Variants in PROSER2 observed in about 807,000 individuals in gnomAD.
PROSER2 encodes proline and serine rich 2.
In PROSER2, 18 loss-of-function variants were observed where a neutral mutation model predicts 14.6. That is an observed-to-expected ratio of 1.23 (90% CI 0.85 to 1.83). The LOEUF is 1.83. Ranked by LOEUF, PROSER2 falls within the 40% of genes most tolerant of loss-of-function variation. The pLI is 0.00. For synonymous variants in PROSER2, 367 were observed against 286.4 expected, an observed-to-expected ratio of 1.28 and a Z score of -2.84; for missense variants, 823 against 629.8, an observed-to-expected ratio of 1.31 and a Z score of -3.28.
At chr10:11,861,924 A>C (rs1044125520) in intron 2 of PROSER2, among the ~76,000 whole-genome samples, 1 of 152,228 alleles carries the variant, frequency 6.6e-6, no homozygotes, top group African/African-American at 2.4e-5. Context: ...TCTACACTGG[A>C]AACTATGAGA....
At chr10:11,825,466 C>G (rs1833598474) in intron 1 of PROSER2, among the ~76,000 whole-genome samples, 1 of 152,182 alleles carries the variant, frequency 6.6e-6, no homozygotes, top group South Asian at 2.1e-4. Context: ...GGCCTTGCAA[C>G]TCCGCCCCTG....
At chr10:11,840,266 TAAA>T (rs11290054) in intron 1 of PROSER2, among the ~76,000 whole-genome samples, 8 of 145,104 alleles carry the variant, frequency 5.5e-5, no homozygotes, top group Admixed American at 6.9e-5. Flanking sequence ...TTGTTGTCAT[TAAA>T]AAAAAAAAAA....
rs1008485081 is a variant in PROSER2 at position 11,838,277 on chromosome 10, T to C, written c.-81-13720T>C. On this transcript the variant is annotated intron_variant, in intron 1 of 3. Coordinates refer to ENST00000277570, the MANE Select transcript of PROSER2 (RefSeq NM_153256.4). This position sits in a 1 kb window ranked among gnomAD's most constrained non-coding sequence, Gnocchi z 4.4. ...GCGCTGGGTTTTAAATGTACATGAA[T>C]AGAATTGCACTAAGAATCTAACTCT... 1.3e-5 allele frequency among the ~76,000 whole-genome samples: 2 copies of C among 152,178 alleles called. No individual in the cohort carries two copies. Among genetic ancestry groups the C allele is most frequent in the Non-Finnish European group, 2.9e-5 (2 of 68,026 alleles).
At chr10:11,827,210 A>AT (rs1833627724) in intron 1 of PROSER2, among the ~76,000 whole-genome samples, 2 of 151,774 alleles carry the variant, frequency 1.3e-5, no homozygotes, top group African/African-American at 4.8e-5. Context: ...AAAAAAAAAA[A>AT]TTCCGGTCCT....
At chr10:11,834,137 G>C (rs141688457) in intron 1 of PROSER2, among the ~76,000 whole-genome samples, 1 of 151,780 alleles carries the variant, frequency 6.6e-6, no homozygotes, top group African/African-American at 2.4e-5. Flanking sequence ...TGGGATTACA[G>C]GCACTCACCA....
chr10:11,852,004 C>A lies in PROSER2; in HGVS notation c.-74C>A. On this transcript the variant is annotated 5_prime_UTR_variant, in exon 2 of 4. The change creates a new upstream start codon in the 5' untranslated region. Coordinates refer to ENST00000277570, the MANE Select transcript of PROSER2 (RefSeq NM_153256.4). ...CGTGTTTGGTGTCTCTAGGAGTGAGCTGTTGCCGCAGAATGGGCTGCTGGC... is the reference window on the plus strand; with the variant it reads ...CGTGTTTGGTGTCTCTAGGAGTGAGATGTTGCCGCAGAATGGGCTGCTGGC... 1 of 1,492,248 alleles carries A rather than the reference C, an allele frequency of 6.7e-7. No individual in the cohort carries two copies. The highest frequency in any genetic ancestry group is 1.3e-5 in the South Asian group (1 of 74,480). The allele number at this position is 1,492,248 out of a possible 1,614,324, so 92.4% of individuals were successfully genotyped here.
At chr10:11,844,831 A>C (rs575420317) in intron 1 of PROSER2, among the ~76,000 whole-genome samples, 10 of 152,318 alleles carry the variant, frequency 6.6e-5, no homozygotes, top group African/African-American at 2.4e-4. Flanking sequence ...CATGTTGGCC[A>C]GGCTGGTCTC....
chr10:11,824,393 G>A (rs945936842), intron 1 of PROSER2, among the ~76,000 whole-genome samples: 2 of 152,218 alleles, frequency 1.3e-5, no homozygotes, highest in Non-Finnish European at 2.9e-5. Flanking sequence ...GTGGAAACTT[G>A]AGGGAAATAC....
At chr10:11,868,574 A>G (rs1005770443) in intron 3 of PROSER2, among the ~76,000 whole-genome samples, 19 of 152,148 alleles carry the variant, frequency 1.2e-4, no homozygotes, top group African/African-American at 4.3e-4. Context: ...TGGCATATTC[A>G]TAACAACTTT....
At chr10:11,841,836 G>A (rs940571659) in intron 1 of PROSER2, among the ~76,000 whole-genome samples, 1 of 152,202 alleles carries the variant, frequency 6.6e-6, no homozygotes, top group African/African-American at 2.4e-5. Context: ...GAAAGAATGT[G>A]TATTGTGAAG....
At position 11,856,779 on chromosome 10, in the gene PROSER2, TAAG is replaced by T. The variant is rs1834130295; in HGVS notation, c.138+4568_138+4570del. Among the ~76,000 whole-genome samples the T allele has an allele frequency of 6.6e-6, 1 of 152,208 alleles. No individual in the cohort carries two copies. The highest frequency in any genetic ancestry group is 1.5e-5 in the Non-Finnish European group (1 of 68,042). ...TTGGCCCCACACATGGCTCATGGAC[TAAG>T]AAGGCATGGCAAGCACTGGGGGGCT... On this transcript the variant is annotated intron_variant, in intron 2 of 3. Coordinates refer to ENST00000277570, the MANE Select transcript of PROSER2 (RefSeq NM_153256.4). This position sits in a 1 kb window ranked among gnomAD's most constrained non-coding sequence, Gnocchi z 5.3.
In PROSER2 at chr10:11,869,734, G is replaced by A. The variant is rs367990641; in HGVS notation, c.636G>A (p.Ser212=). ...GGATGGCGGGGAACGAAGCCCTCTC[G>A]CCCACCTCCCCGTTCAGGGAGGGCC... ...SERMAGNEAL[S]PTSPFREGRP... The change falls in exon 4 of 4, where the codon TCG becomes TCA. Residue 212 remains serine (S), a synonymous_variant. Transcript: ENST00000277570. The surrounding 1 kb of genome is among the most constrained non-coding windows in gnomAD (Gnocchi z 4.4). 9.3e-5 allele frequency: 147 copies of A among 1,588,586 alleles called. No individual in the cohort carries two copies. The African/African-American group carries it at 1.4e-3, about 16-fold the overall frequency.
In PROSER2 at chr10:11,869,577, C is replaced by G; in HGVS notation, c.479C>G (p.Ala160Gly). 1.9e-6 allele frequency: 3 copies of G among 1,609,642 alleles called. No individual in the cohort carries two copies. Among genetic ancestry groups the G allele is most frequent in the Non-Finnish European group, 2.5e-6 (3 of 1,176,494 alleles). The change falls in exon 4 of 4, where the codon GCG becomes GGG. Residue 160 changes from alanine (A) to glycine (G), a missense_variant. Transcript: ENST00000277570. The surrounding 1 kb of genome is among the most constrained non-coding windows in gnomAD (Gnocchi z 4.4). ...CCCCCGGCTCCCGAGACCCTTCTTGCGCCACCACCCCTGCCTAGCACCCCC... is the reference window on the plus strand; with the variant it reads ...CCCCCGGCTCCCGAGACCCTTCTTGGGCCACCACCCCTGCCTAGCACCCCC... ...PDPPAPETLLAPPPLPSTPDP... is the reference protein window; with the variant it reads ...PDPPAPETLLGPPPLPSTPDP...
chr10:11,829,622 C>G (rs1229268658), intron 1 of PROSER2, among the ~76,000 whole-genome samples: 3 of 151,618 alleles, frequency 2.0e-5, no homozygotes, highest in South Asian at 2.1e-4. Flanking sequence ...AAAGCTAGAA[C>G]CAGCTCTGTC....
Position 11,852,175 on chromosome 10 carries a change from A to G in PROSER2, c.98A>G (p.Glu33Gly). ...GCCTTCAGCAGAGGCGGCAGCCTGG[A>G]GAGTCGAAGCAGCAGCTCTCGCTCC... ...LRAFSRGGSL[E>G]SRSSSSRSRS... The change falls in exon 2 of 4, where the codon GAG becomes GGG. Residue 33 changes from glutamate to glycine, a missense_variant. Coordinates refer to ENST00000277570, the MANE Select transcript of PROSER2 (RefSeq NM_153256.4). 6.2e-7 allele frequency: 1 copy of G among 1,613,204 alleles called. No individual in the cohort carries two copies. The highest frequency in any genetic ancestry group is 1.1e-5 in the South Asian group (1 of 90,766).
chr10:11,858,070 G>T (rs1229132124), intron 2 of PROSER2, among the ~76,000 whole-genome samples: 1 of 152,156 alleles, frequency 6.6e-6, no homozygotes, highest in Non-Finnish European at 1.5e-5. Flanking sequence ...AAGTAGCTGG[G>T]ATTACAGGTG....
At chr10:11,824,238 G>A (rs953071123) in intron 1 of PROSER2, among the ~76,000 whole-genome samples, 3 of 152,164 alleles carry the variant, frequency 2.0e-5, no homozygotes, top group Non-Finnish European at 4.4e-5. Context: ...GAAGGAAAAT[G>A]AGTGTGTGTG....
At chr10:11,854,661 G>A (rs1371891765) in intron 2 of PROSER2, among the ~76,000 whole-genome samples, 1 of 150,452 alleles carries the variant, frequency 6.6e-6, no homozygotes, top group East Asian at 1.9e-4. Context: ...GGTTTCAAGC[G>A]ATTCCCCTGC....
chr10:11,858,483 A>G (rs560960892), intron 2 of PROSER2, among the ~76,000 whole-genome samples: 2 of 152,300 alleles, frequency 1.3e-5, no homozygotes, highest in African/African-American at 4.8e-5. Flanking sequence ...AGGAGTCAAC[A>G]GAGATCAGCT....
Sources: gnomAD v4.1 joint callset for allele counts (sites outside exome capture counted in the v4.1 genomes callset) on GRCh38, gnomAD v4.1.1 for gene constraint, Gnocchi (gnomAD v3.1) non-coding constraint, MANE v1.5 for transcripts, NCBI Gene and HGNC (gene_info 2026-07-23, HGNC 2026-07-21) for gene names.